The following BCAS3 variants were observed in gnomAD, a reference collection of about 807,000 sequenced individuals.
BCAS3 encodes BCAS4/BCAS3 fusion.
In BCAS3, 53 loss-of-function variants were observed where a neutral mutation model predicts 116.1. That is an observed-to-expected ratio of 0.46 (90% confidence interval 0.37 to 0.57). The LOEUF (loss-of-function observed/expected upper bound fraction) is 0.57, where lower values mean the gene tolerates loss of function less well. Among genes scored for constraint, BCAS3 ranks in the 20% least tolerant of loss-of-function variants. BCAS3 has a pLI of 0.00. For missense variants in BCAS3, 917 were observed against 1,165.4 expected, an observed-to-expected ratio of 0.79 and a Z score of 3.10; for synonymous variants, 391 against 408.2, an observed-to-expected ratio of 0.96 and a Z score of 0.51.
In BCAS3 at chr17:61,354,659, T is replaced by A. The variant is rs1368702447; in HGVS notation, c.2426-13668T>A. 6.6e-6 allele frequency: 1 copy of A among 152,202 alleles called. No individual in the cohort carries two copies. Among genetic ancestry groups the A allele is most frequent in the Non-Finnish European group, 1.5e-5 (1 of 68,054 alleles). 9.4% of individuals were successfully genotyped at this position (152,202 alleles called of 1,614,324 possible). A position where few individuals can be genotyped will look rare whatever the true frequency, so the allele number is the denominator to read the frequency against. ...AGGATGGGAGGCCAGGCCCAGATCT[T>A]CTTCCCAAGGACCCTGCACCTGAAA... On this transcript the variant is annotated intron_variant, in intron 22 of 23. Coordinates refer to ENST00000407086, the MANE Select transcript of BCAS3 (RefSeq NM_017679.5). This position sits in a 1 kb window ranked among gnomAD's most constrained non-coding sequence, Gnocchi z 4.5.
At chr17:61,024,344 A>G (rs969693182) in intron 16 of BCAS3, among the ~76,000 whole-genome samples, 2 of 152,154 alleles carry the variant, frequency 1.3e-5, no homozygotes, top group African/African-American at 4.8e-5. Flanking sequence ...TATACATGCC[A>G]ATTGTACATG....
In BCAS3 at chr17:61,296,616, T is replaced by C. The variant is rs571325100; in HGVS notation, c.2426-71711T>C. 4.6e-5 allele frequency among the ~76,000 whole-genome samples: 7 copies of C among 152,362 alleles called. No individual in the cohort carries two copies. In the East Asian group the frequency reaches 1.3e-3, roughly 29 times the overall value. On this transcript the variant is annotated intron_variant, in intron 22 of 23. Coordinates refer to ENST00000407086, the MANE Select transcript of BCAS3 (RefSeq NM_017679.5). ...GTTTTTCTGTAGGAAAAGATGTATT[T>C]ACTAGAACATATTTCTACCATTTTA...
At chr17:60,770,468 G>T (rs1364314129) in intron 6 of BCAS3, among the ~76,000 whole-genome samples, 3 of 134,402 alleles carry the variant, frequency 2.2e-5, no homozygotes, top group African/African-American at 5.5e-5. Flanking sequence ...CACCAGGCTG[G>T]AGTGCAGTGG....
At chr17:61,351,495 G>A (rs1452834518) in intron 22 of BCAS3, among the ~76,000 whole-genome samples, 2 of 152,158 alleles carry the variant, frequency 1.3e-5, no homozygotes, top group East Asian at 1.9e-4. Flanking sequence ...ATCTTAGCAC[G>A]ATTTTGAAAC....
intron 6 of BCAS3, among the ~76,000 whole-genome samples, chr17:60,750,121 A>G (rs1424850331): frequency 2.0e-5 from 3 of 152,000 alleles, no homozygotes; most frequent in Non-Finnish European, 2.9e-5. Flanking sequence ...GAGCCGAGGT[A>G]GCACCATTGC....
At position 61,083,717 on chromosome 17, in the gene BCAS3, T is replaced by G. The variant is rs1160437888; in HGVS notation, c.2328-750T>G. ...TTCCAGCAGTTCTCCTGCCTCAGCC[T>G]CTTGAGTAGCTGGGACTATAGGTGC... On this transcript the variant is annotated intron_variant, in intron 21 of 23. Transcript: ENST00000407086. The surrounding 1 kb of genome is among the most constrained non-coding windows in gnomAD (Gnocchi z 4.9). Among the ~76,000 whole-genome samples the G allele has an allele frequency of 1.3e-5, 2 of 151,824 alleles. No individual in the cohort carries two copies. The highest frequency in any genetic ancestry group is 2.9e-5 in the Non-Finnish European group (2 of 67,978).
rs1183772249 is a variant in BCAS3 at position 61,313,182 on chromosome 17, G to C, written c.2426-55145G>C. ...GATTCATGGCAATTACTGCCAGGTA[G>C]AGAAAGCGAATGCTGTTATTTTGCT... On this transcript the variant is annotated intron_variant, in intron 22 of 23. Transcript: ENST00000407086. This position sits in a 1 kb window ranked among gnomAD's most constrained non-coding sequence, Gnocchi z 4.3. 2.0e-5 allele frequency among the ~76,000 whole-genome samples: 3 copies of C among 152,224 alleles called. No homozygotes were observed. Among genetic ancestry groups the C allele is most frequent in the Non-Finnish European group, 4.4e-5 (3 of 68,048 alleles).
chr17:61,298,737 G>A (rs1455225739), intron 22 of BCAS3, among the ~76,000 whole-genome samples: 1 of 152,148 alleles, frequency 6.6e-6, no homozygotes, highest in African/African-American at 2.4e-5. Context: ...TGGCAACAGA[G>A]AGTTCAGTGC....
chr17:61,285,259 T>TGTGTGTG lies in BCAS3; in HGVS notation c.2426-83068_2426-83067insGTGTGTG, dbSNP rs1555807771. 2.7e-3 allele frequency among the ~76,000 whole-genome samples: 354 copies of TGTGTGTG among 129,082 alleles called. No individual in the cohort carries two copies. Among genetic ancestry groups the TGTGTGTG allele is most frequent in the African/African-American group, 0.012 (336 of 28,850 alleles). The allele number at this position is 129,082 out of a possible 152,430, so 84.7% of individuals were successfully genotyped here. On this transcript the variant is annotated intron_variant, in intron 22 of 23. Coordinates refer to ENST00000407086, the MANE Select transcript of BCAS3 (RefSeq NM_017679.5). This position sits in a 1 kb window ranked among gnomAD's most constrained non-coding sequence, Gnocchi z 5.4. Reference sequence around the variant, plus strand: ...TGTGTGTGTGTGTGTGTGTGTGTGTTTCTTGCTAAAATGCAGCAAAGGAAG... The same window carrying TGTGTGTG: ...TGTGTGTGTGTGTGTGTGTGTGTGTTGTGTGTGTCTTGCTAAAATGCAGCAAAGGAAG...
At chr17:61,287,458 G>T (rs9892440) in intron 22 of BCAS3, among the ~76,000 whole-genome samples, 25,433 of 152,038 alleles carry the variant, frequency 0.17, 3,576 homozygotes, top group African/African-American at 0.39. Context: ...GGGCGTGGTG[G>T]CTCACACCTC....
At chr17:61,111,120 A>G (rs1436889798) in intron 22 of BCAS3, among the ~76,000 whole-genome samples, 2 of 151,398 alleles carry the variant, frequency 1.3e-5, no homozygotes, top group Non-Finnish European at 3.0e-5. Context: ...AGTAGATAAA[A>G]CCACAAAGAT....
intron 6 of BCAS3, among the ~76,000 whole-genome samples, chr17:60,799,703 C>CTTT (rs2047568049): frequency 9.6e-5 from 5 of 51,816 alleles, no homozygotes; most frequent in African/African-American, 5.3e-4. Flanking sequence ...TAATTTTTTT[C>CTTT]TTTTCTTTTT....
At chr17:60,966,304 A>G (rs1017714805) in intron 14 of BCAS3, among the ~76,000 whole-genome samples, 4 of 152,162 alleles carry the variant, frequency 2.6e-5, no homozygotes, top group African/African-American at 7.2e-5. Context: ...TTTTAGTTGG[A>G]TAATCGAGAC....
chr17:61,297,442 G>T (rs2053029945), intron 22 of BCAS3, among the ~76,000 whole-genome samples: 1 of 152,124 alleles, frequency 6.6e-6, no homozygotes, highest in African/African-American at 2.4e-5. Flanking sequence ...GTGTATGCCG[G>T]GGGAGGGCAG....
chr17:60,974,993 T>C (rs997165567), intron 14 of BCAS3, among the ~76,000 whole-genome samples: 2 of 138,228 alleles, frequency 1.4e-5, no homozygotes, highest in Non-Finnish European at 3.0e-5. Context: ...TTTTTTTTGC[T>C]TTTTTGTTTT....
At chr17:60,943,200 AACAAG>A in intron 13 of BCAS3, among the ~76,000 whole-genome samples, 1 of 152,246 alleles carries the variant, frequency 6.6e-6, no homozygotes, top group South Asian at 2.1e-4. Flanking sequence ...AAAAAACAGA[AACAAG>A]ACAAGCAAAA....
At chr17:61,240,376 C>A (rs2047405093) in intron 22 of BCAS3, among the ~76,000 whole-genome samples, 1 of 152,142 alleles carries the variant, frequency 6.6e-6, no homozygotes, top group Admixed American at 6.5e-5. Context: ...TGGGGCCAAG[C>A]ACAGTGGGTC....
Position 61,337,670 on chromosome 17 carries a change from T to TA in BCAS3, c.2426-30657_2426-30656insA, listed in dbSNP as rs1226478888. 6.6e-6 allele frequency among the ~76,000 whole-genome samples: 1 copy of TA among 151,092 alleles called. No individual in the cohort carries two copies. Among genetic ancestry groups the TA allele is most frequent in the Non-Finnish European group, 1.5e-5 (1 of 67,728 alleles). Reference sequence around the variant, plus strand: ...AATGTTGGTGGGATTGTTTTTATTGTTTTTTTTTCCTTTTTCTTTTTGCGC... The same window carrying TA: ...AATGTTGGTGGGATTGTTTTTATTGTATTTTTTTTCCTTTTTCTTTTTGCGC... On this transcript the variant is annotated intron_variant, in intron 22 of 23. Coordinates refer to ENST00000407086, the MANE Select transcript of BCAS3 (RefSeq NM_017679.5). The surrounding 1 kb of genome is among the most constrained non-coding windows in gnomAD (Gnocchi z 4.8).
intron 6 of BCAS3, among the ~76,000 whole-genome samples, chr17:60,754,722 CACACACACACACACACACAGAG>C (rs1280747768): frequency 2.4e-3 from 38 of 15,524 alleles, no homozygotes; most frequent in Admixed American, 5.1e-3. Context: ...CACACACACA[CACACACACACACACACACAGAG>C]TCTGTTCAGC....
Sources: gnomAD v4.1 joint callset for allele counts (sites outside exome capture counted in the v4.1 genomes callset) on GRCh38, gnomAD v4.1.1 for gene constraint, Gnocchi (gnomAD v3.1) non-coding constraint, MANE v1.5 for transcripts, NCBI Gene and HGNC (gene_info 2026-07-23, HGNC 2026-07-21) for gene names.